Variants in POLL observed in about 807,000 individuals in gnomAD.
POLL encodes DNA polymerase beta-2.
POLL carries 44 observed loss-of-function variants against 58.1 expected under a neutral mutation model. That is an observed-to-expected ratio of 0.76 (90% CI 0.60 to 0.97). POLL has a LOEUF of 0.97. Among genes scored for constraint, POLL ranks in the 50% least tolerant of loss-of-function variants. POLL has a pLI of 0.00. For missense variants in POLL, 632 were observed against 736.8 expected, an observed-to-expected ratio of 0.86 and a Z score of 1.65; for synonymous variants, 290 against 283.2, an observed-to-expected ratio of 1.02 and a Z score of -0.24.
rs1225220530 is a variant in POLL, at chr10:101,579,398, G to T, written c.*55C>A. The T allele has an allele frequency of 2.0e-6, 3 of 1,536,416 alleles. No individual in the cohort carries two copies. The highest frequency in any genetic ancestry group is 2.0e-5 in the Admixed American group (1 of 50,604). ...GCTGAGGCTGGAGGGAGTACTGGGT[G>T]GCCAGGAGGGGTAGCCAGTCCAACT... On this transcript the variant is annotated 3_prime_UTR_variant, in exon 9 of 9. Coordinates refer to ENST00000370162, the MANE Select transcript of POLL (RefSeq NM_001174084.2). The surrounding 1 kb of genome is among the most constrained non-coding windows in gnomAD (Gnocchi z 4.4).
At position 101,588,140 on chromosome 10, in the gene POLL, C is replaced by T. The variant is rs1227718864; in HGVS notation, c.-365G>A. 3 of 1,517,226 alleles carry T rather than the reference C, an allele frequency of 2.0e-6. No homozygotes were observed. The highest frequency in any genetic ancestry group is 2.6e-6 in the Non-Finnish European group (3 of 1,134,682). 94.0% of individuals were successfully genotyped at this position (1,517,226 alleles called of 1,614,324 possible). ...GTCTCTCCAACCCCCAGAGTCGGTC[C>T]CCGGGTGGGGTCGACTACTGGCCAA... On this transcript the variant is annotated 5_prime_UTR_variant, in exon 1 of 9. Coordinates refer to ENST00000370162, the MANE Select transcript of POLL (RefSeq NM_001174084.2).
In POLL at chr10:101,588,132, A is replaced by C. The variant is rs887388651; in HGVS notation, c.-357T>G. On this transcript the variant is annotated 5_prime_UTR_variant, in exon 1 of 9. Transcript: ENST00000370162. ...CCCCAAGAGTCTCTCCAACCCCCAG[A>C]GTCGGTCCCCGGGTGGGGTCGACTA... The C allele has an allele frequency of 4.6e-6, 7 of 1,516,806 alleles. No homozygotes were observed. The African/African-American group carries it at 9.6e-5, about 21-fold the overall frequency. The allele number at this position is 1,516,806 out of a possible 1,614,324, so 94.0% of individuals were successfully genotyped here. A position where few individuals can be genotyped will look rare whatever the true frequency, so the allele number is the denominator to read the frequency against.
At position 101,586,059 on chromosome 10, in the gene POLL, C is replaced by T; in HGVS notation, c.213G>A (p.Gln71=). The change falls in exon 3 of 9, where the codon CAG becomes CAA. Residue 71 remains glutamine, a synonymous_variant. Transcript: ENST00000370162. ...FEKQIVQHGG[Q]LCPAQGPGVT... ...CACCTGGGCCCTGGGCAGGGCATAG[C>T]TGGCCGCCATGCTGAACAATCTGCT... The T allele has an allele frequency of 6.2e-7, 1 of 1,614,124 alleles. No individual in the cohort carries two copies. The highest frequency in any genetic ancestry group is 1.1e-5 in the South Asian group (1 of 91,084).
At chr10:101,587,767 A>AT (rs2063468234) in intron 1 of POLL, 55 bp downstream of exon 1, 1 of 1,189,556 alleles carries the variant, frequency 8.4e-7, no homozygotes, top group African/African-American at 1.6e-5. Flanking sequence ...GCTTTAGGGG[A>AT]TGGAGCGGAG....
At chr10:101,583,804 A>G in intron 5 of POLL, 123 bp from the exon 6 acceptor site, 1 of 778,886 alleles carries the variant, frequency 1.3e-6, no homozygotes, top group Non-Finnish European at 2.1e-6. Flanking sequence ...CTGCTTGGCA[A>G]CTGTGTGGCT....
chr10:101,586,045 TGGGCA>T lies in POLL; in HGVS notation c.222_226del (p.Ala75GlyfsTer11). 1 of 1,613,944 alleles carries T rather than the reference TGGGCA, an allele frequency of 6.2e-7. No homozygotes were observed. Among genetic ancestry groups the T allele is most frequent in the Non-Finnish European group, 8.5e-7 (1 of 1,179,924 alleles). ...CACAATGTGAGTGACACCTGGGCCC[TGGGCA>T]GGGCATAGCTGGCCGCCATGCTGAA... On this transcript the variant is annotated frameshift_variant, in exon 3 of 9. Coordinates refer to ENST00000370162, the MANE Select transcript of POLL (RefSeq NM_001174084.2). LOFTEE classifies it high-confidence loss of function.
chr10:101,583,499 G>C lies in POLL; in HGVS notation c.1065+9C>G, dbSNP rs1389972596. The C allele has an allele frequency of 1.9e-6, 3 of 1,612,386 alleles. No individual in the cohort carries two copies. Among genetic ancestry groups the C allele is most frequent in the South Asian group, 2.2e-5 (2 of 91,002 alleles). ...CAAAACTGAAGTAGGGGCTGAGCCAGGGTGTGACCTGTTGGTACCACATCT... is the reference window on the plus strand; with the variant it reads ...CAAAACTGAAGTAGGGGCTGAGCCACGGTGTGACCTGTTGGTACCACATCT... On this transcript the variant is annotated intron_variant, in intron 6 of 8. Coordinates refer to ENST00000370162, the MANE Select transcript of POLL (RefSeq NM_001174084.2).
chr10:101,587,462 G>A (rs2063440844), intron 1 of POLL, 56 bp from the exon 2 acceptor site: 2 of 1,561,214 alleles, frequency 1.3e-6, no homozygotes, highest in Admixed American at 1.8e-5. Flanking sequence ...ATGGAGGTAG[G>A]GTCTTTCCTG....
chr10:101,579,869 T>C lies in POLL; in HGVS notation c.1364-52A>G. 2.6e-6 allele frequency: 4 copies of C among 1,563,968 alleles called. No individual in the cohort carries two copies. Among genetic ancestry groups the C allele is most frequent in the Non-Finnish European group, 3.5e-6 (4 of 1,155,088 alleles). On this transcript the variant is annotated intron_variant, in intron 8 of 8. Transcript: ENST00000370162. The surrounding 1 kb of genome is among the most constrained non-coding windows in gnomAD (Gnocchi z 4.4). ...AGGGCAGGGAACCAGGCCTGGGCTG[T>C]CCCATCCTCCCAGGTCTCTCCTGAT...
At chr10:101,587,185 C>A (rs1182712758) in intron 2 of POLL, 61 bp downstream of exon 2, 1 of 1,613,364 alleles carries the variant, frequency 6.2e-7, no homozygotes, top group East Asian at 2.2e-5. Flanking sequence ...CAACGTAGGG[C>A]TGAAGCACAT....
Position 101,580,560 on chromosome 10 carries a change from CCT to C in POLL, c.1195-146_1195-145del, listed in dbSNP as rs2062931208. On this transcript the variant is annotated intron_variant, in intron 7 of 8. Coordinates refer to ENST00000370162, the MANE Select transcript of POLL (RefSeq NM_001174084.2). The surrounding 1 kb of genome is among the most constrained non-coding windows in gnomAD (Gnocchi z 4.1). ...CTGCTGCAAGCCCAGGGGAATCCAC[CCT>C]GAGGAGCTGCTGTTCTTTCCCTTCG... 3.0e-6 allele frequency: 2 copies of C among 662,652 alleles called. No homozygotes were observed. Among genetic ancestry groups the C allele is most frequent in the Admixed American group, 2.9e-5 (1 of 34,642 alleles). The allele number at this position is 662,652 out of a possible 1,614,324, so 41.0% of individuals were successfully genotyped here.
rs1291819365 is a variant in POLL, at chr10:101,583,144, G to T, written c.1066-253C>A. The stretch of plus-strand genomic sequence containing the variant: ...TTCCATCAGTCTGAGGATGGACCTT[G>T]TCATCTTCATCCTTACCAAGCTGCC... On this transcript the variant is annotated intron_variant, in intron 6 of 8. Transcript: ENST00000370162. 6.7e-6 allele frequency: 4 copies of T among 598,690 alleles called. No individual in the cohort carries two copies. The Admixed American group carries it at 1.1e-4, about 16-fold the overall frequency. 37.1% of individuals were successfully genotyped at this position (598,690 alleles called of 1,614,324 possible). A position where few individuals can be genotyped will look rare whatever the true frequency, so the allele number is the denominator to read the frequency against.
intron 2 of POLL, 82 bp from the exon 3 acceptor site, chr10:101,586,238 A>T: frequency 8.2e-7 from 1 of 1,223,036 alleles, no homozygotes; most frequent in Non-Finnish European, 1.2e-6. Context: ...ATAACTTCTA[A>T]CATGATCTGA....
chr10:101,585,494 T>C lies in POLL; in HGVS notation c.411-16A>G. 6.6e-6 allele frequency: 10 copies of C among 1,509,630 alleles called. No individual in the cohort carries two copies. The highest frequency in any genetic ancestry group is 8.9e-6 in the Non-Finnish European group (10 of 1,127,978). The allele number at this position is 1,509,630 out of a possible 1,614,324, so 93.5% of individuals were successfully genotyped here. On this transcript the variant is annotated splice_polypyrimidine_tract_variant and intron_variant, in intron 3 of 8. Transcript: ENST00000370162. ...GTCCAAGTACCTGTGGGGATGGTGA[T>C]GGGAGGTTAAGACACCAAAGGTCTC...
intron 3 of POLL, 49 bp from the exon 4 acceptor site, chr10:101,585,527 A>G (rs2063277672): frequency 2.1e-6 from 3 of 1,427,540 alleles, no homozygotes; most frequent in African/African-American, 1.4e-5. Flanking sequence ...CTCACCCTGT[A>G]TCTGTCCCCA....
At position 101,584,668 on chromosome 10, in the gene POLL, C is replaced by T; in HGVS notation, c.825G>A (p.Arg275=). Residue 275 remains arginine, a synonymous_variant, in exon 5 of 9, where the codon AGG becomes AGA. Transcript: ENST00000370162. ...TGATGGCCTTGGCATAGCCCAGGGC[C>T]CTCCACTTGTCTCCCTGAACACTGT... ...KAYSVQGDKW[R]ALGYAKAINA... The T allele has an allele frequency of 6.2e-7, 1 of 1,613,316 alleles. No individual in the cohort carries two copies. Among genetic ancestry groups the T allele is most frequent in the Non-Finnish European group, 8.5e-7 (1 of 1,179,694 alleles).
Position 101,579,240 on chromosome 10 carries a change from T to C in POLL, c.*213A>G. ...GGTAGAAGGGGTGGCAGCCTGCTCC[T>C]GTCTGGGAGAGGGCTGGGCAGACAC... On this transcript the variant is annotated 3_prime_UTR_variant, in exon 9 of 9. Transcript: ENST00000370162. This position sits in a 1 kb window ranked among gnomAD's most constrained non-coding sequence, Gnocchi z 4.4. The C allele has an allele frequency of 1.7e-6, 1 of 592,128 alleles. No homozygotes were observed. Among genetic ancestry groups the C allele is most frequent in the Non-Finnish European group, 2.9e-6 (1 of 340,602 alleles). The allele number at this position is 592,128 out of a possible 1,614,324, so 36.7% of individuals were successfully genotyped here.
chr10:101,580,285 A>AC lies in POLL; in HGVS notation c.1325dup (p.Ile443TyrfsTer7), dbSNP rs766848833. 1 of 1,613,956 alleles carries AC rather than the reference A, an allele frequency of 6.2e-7. No individual in the cohort carries two copies. Among genetic ancestry groups the AC allele is most frequent in the South Asian group, 1.1e-5 (1 of 91,072 alleles). ...GACTGTCAAGGAGGCGGCTGAAGATACCCCGGTGGGACCGGCCATCTGGGT... is the reference window on the plus strand; with the variant it reads ...GACTGTCAAGGAGGCGGCTGAAGATACCCCCGGTGGGACCGGCCATCTGGGT... On this transcript the variant is annotated frameshift_variant, in exon 8 of 9. Coordinates refer to ENST00000370162, the MANE Select transcript of POLL (RefSeq NM_001174084.2). LOFTEE classifies it high-confidence loss of function. The surrounding 1 kb of genome is among the most constrained non-coding windows in gnomAD (Gnocchi z 4.1).
intron 2 of POLL, among the ~76,000 whole-genome samples, chr10:101,586,546 T>A (rs1164202417): frequency 2.0e-5 from 3 of 152,206 alleles, no homozygotes; most frequent in Non-Finnish European, 4.4e-5. Context: ...CAGGCTGGAG[T>A]ACAGTGGCAT....
Sources: allele counts gnomAD v4.1 joint callset (sites outside exome capture counted in the v4.1 genomes callset), GRCh38; gene constraint gnomAD v4.1.1; non-coding constraint Gnocchi (gnomAD v3.1); transcripts MANE v1.5; gene names NCBI Gene and HGNC (gene_info 2026-07-23, HGNC 2026-07-21).